LMO7: variants seen among roughly 807,000 people sequenced by gnomAD.
LMO7 encodes the protein LIM domain 7.
LMO7 carries 120 observed loss-of-function variants against 206.5 expected under a neutral mutation model. That is an observed-to-expected ratio of 0.58 (90% CI 0.50 to 0.68). LMO7 has a LOEUF of 0.68. Ranked by LOEUF, LMO7 falls within the 30% of genes least tolerant of loss-of-function variation. LMO7 has a pLI of 0.00. For missense variants in LMO7, 1,959 were observed against 1,957.9 expected (o/e 1.00, Z -0.01); for synonymous variants, 706 against 681.5 (o/e 1.04, Z -0.56).
At chr13:75,705,693 G>C (rs1049019670) in intron 1 of LMO7, among the ~76,000 whole-genome samples, 4 of 152,218 alleles carry the variant, frequency 2.6e-5, no homozygotes, top group Admixed American at 2.6e-4. Context: ...ATGAGTAATT[G>C]TTAGATTAGA....
intron 1 of LMO7, among the ~76,000 whole-genome samples, chr13:75,639,261 G>T (rs1158316588): frequency 6.6e-6 from 1 of 152,086 alleles, no homozygotes; most frequent in African/African-American, 2.4e-5. Flanking sequence ...TGCCAATTAT[G>T]ATCACTTTAT....
At chr13:75,736,013 C>T (rs1242986299) in intron 3 of LMO7, among the ~76,000 whole-genome samples, 2 of 152,042 alleles carry the variant, frequency 1.3e-5, no homozygotes, top group Non-Finnish European at 2.9e-5. Flanking sequence ...ATTTGGAATG[C>T]TCGAATTGTA....
intron 3 of LMO7, among the ~76,000 whole-genome samples, chr13:75,730,930 T>C (rs2045124732): frequency 6.7e-6 from 1 of 150,098 alleles, no homozygotes; most frequent in African/African-American, 2.5e-5. Context: ...TCCATGTAGT[T>C]GAGCGGTTTT....
intron 4 of LMO7, among the ~76,000 whole-genome samples, chr13:75,779,027 A>G (rs779290712): frequency 2.6e-5 from 4 of 152,110 alleles, no homozygotes; most frequent in Non-Finnish European, 5.9e-5. Flanking sequence ...GCTCGAATTG[A>G]TGGGATTTGG....
chr13:75,675,230 T>C (rs2039908738), intron 1 of LMO7, among the ~76,000 whole-genome samples: 1 of 151,924 alleles, frequency 6.6e-6, no homozygotes, highest in Admixed American at 6.6e-5. Context: ...CCTGCCACCA[T>C]GCCTGTCTAA....
intron 1 of LMO7, among the ~76,000 whole-genome samples, chr13:75,637,982 G>A (rs2036134201): frequency 6.6e-6 from 1 of 152,214 alleles, no homozygotes; most frequent in African/African-American, 2.4e-5. Flanking sequence ...GAATTGAAAT[G>A]AGAGTGGAAA....
intron 7 of LMO7, among the ~76,000 whole-genome samples, 192 bp downstream of exon 7, chr13:75,801,074 A>C (rs762486302): frequency 6.6e-6 from 1 of 152,074 alleles, no homozygotes; most frequent in Non-Finnish European, 1.5e-5. Context: ...TCATTTTTGA[A>C]AAATTTCATT....
At chr13:75,843,682 C>T (rs1006320791) in intron 25 of LMO7, among the ~76,000 whole-genome samples, 9 of 152,262 alleles carry the variant, frequency 5.9e-5, no homozygotes, top group African/African-American at 1.9e-4. Context: ...TTAAAATTTC[C>T]TAAAACATTG....
At chr13:75,767,684 A>T (rs1446024431) in intron 4 of LMO7, among the ~76,000 whole-genome samples, 1 of 152,094 alleles carries the variant, frequency 6.6e-6, no homozygotes, top group African/African-American at 2.4e-5. Context: ...AGATGTTTCT[A>T]CTAAATCCCA....
chr13:75,632,606 T>C (rs558280907), upstream of LMO7, among the ~76,000 whole-genome samples: 1 of 152,378 alleles, frequency 6.6e-6, no homozygotes, highest in African/African-American at 2.4e-5. Context: ...AGCTTGCTAA[T>C]ATTGTAAGGC....
rs138944909 is a variant in LMO7 at position 75,823,637 on chromosome 13, C to G, written c.2713C>G (p.Pro905Ala). Residue 905 changes from proline to alanine, a missense_variant, in exon 15 of 31, where the codon CCT (proline) becomes GCT (alanine). Physicochemically the swap from Pro to Ala is conservative, Grantham distance 27. Coordinates refer to ENST00000377534, the MANE Select transcript of LMO7 (RefSeq NM_001306080.2). ...KRTPNNVVSTPAPSPDASQLA... is the reference protein window; with the variant it reads ...KRTPNNVVSTAAPSPDASQLA... ...AACTCCAAACAATGTGGTCAGCACC[C>G]CTGCACCAAGCCCGGACGCAAGCCA... 6.2e-6 allele frequency: 10 copies of G among 1,613,914 alleles called. No individual in the cohort carries two copies. Among genetic ancestry groups the G allele is most frequent in the Non-Finnish European group, 8.5e-6 (10 of 1,179,958 alleles).
chr13:75,713,198 A>G lies in LMO7; in HGVS notation c.86A>G (p.Asn29Ser), dbSNP rs759839836. ...ATCTTTCAGGCAGTAACAGAGAAGA[A>G]TTTTGAAACAAAAGATTTTCGAGCC... ...QRWVEAVTEKNFETKDFRASL... is the reference protein window; with the variant it reads ...QRWVEAVTEKSFETKDFRASL... Residue 29 changes from asparagine to serine, a missense_variant, in exon 2 of 31, where the codon AAT becomes AGT. Coordinates refer to ENST00000377534, the MANE Select transcript of LMO7 (RefSeq NM_001306080.2). 1 of 1,612,360 alleles carries G rather than the reference A, an allele frequency of 6.2e-7. No homozygotes were observed. The highest frequency in any genetic ancestry group is 1.1e-5 in the South Asian group (1 of 90,920).
chr13:75,658,814 C>T (rs570764632), intron 1 of LMO7, among the ~76,000 whole-genome samples: 1 of 151,962 alleles, frequency 6.6e-6, no homozygotes, highest in South Asian at 2.1e-4. Context: ...TGGTTTTAAT[C>T]TCCTGACCTC....
chr13:75,677,497 A>G (rs992444744), intron 1 of LMO7, among the ~76,000 whole-genome samples: 2 of 152,222 alleles, frequency 1.3e-5, no homozygotes, highest in African/African-American at 4.8e-5. Context: ...AGACAAATAT[A>G]TGGAATGACT....
chr13:75,805,139 T>C, intron 8 of LMO7: 1 of 1,102,316 alleles, frequency 9.1e-7, no homozygotes, highest in East Asian at 5.9e-5. Flanking sequence ...TGGGGCTATA[T>C]GGACTGACGA....
At chr13:75,766,237 CTTTTTT>C (rs10604656) in intron 4 of LMO7, among the ~76,000 whole-genome samples, 1 of 126,094 alleles carries the variant, frequency 7.9e-6, no homozygotes, top group Non-Finnish European at 1.7e-5. Context: ...TTCCCTCAGT[CTTTTTT>C]TTTTTTTTTT....
intron 3 of LMO7, among the ~76,000 whole-genome samples, chr13:75,733,475 C>T (rs577303051): frequency 1.7e-4 from 26 of 152,310 alleles, no homozygotes; most frequent in South Asian, 8.3e-4. Context: ...TTAAGCCCGT[C>T]GGAAAAGCAC....
rs1323579686 is a variant in LMO7 at position 75,834,311 on chromosome 13, A to T, written c.3150A>T (p.Lys1050Asn). 6.2e-7 allele frequency: 1 copy of T among 1,611,784 alleles called. No homozygotes were observed. The highest frequency in any genetic ancestry group is 1.3e-5 in the African/African-American group (1 of 74,808). The change falls in exon 17 of 31, where the codon AAA becomes AAT. Residue 1050 changes from lysine (K) to asparagine (N), a missense_variant. Physicochemically the swap from Lys to Asn is moderately conservative, Grantham distance 94 (BLOSUM62 0). Coordinates refer to ENST00000377534, the MANE Select transcript of LMO7 (RefSeq NM_001306080.2). ...CCAAGTTTTCATATAACGATTCAAA[A>T]GAGTGGGAGGAAGCCATGGCTAAGG... Reference protein sequence around the residue: ...NNTKFSYNDSKEWEEAMAKAQ... With the variant: ...NNTKFSYNDSNEWEEAMAKAQ...
chr13:75,821,883 T>A (rs1222163909), intron 14 of LMO7, among the ~76,000 whole-genome samples: 3 of 152,198 alleles, frequency 2.0e-5, no homozygotes, highest in Admixed American at 2.0e-4. Context: ...TATTTTATAA[T>A]GTCTTTTTTT....
Sources: allele counts gnomAD v4.1 joint callset (sites outside exome capture counted in the v4.1 genomes callset), GRCh38; gene constraint gnomAD v4.1.1; transcripts MANE v1.5; gene names NCBI Gene and HGNC (gene_info 2026-07-23, HGNC 2026-07-21).